The following LEPR variants were observed in gnomAD, a reference collection of about 807,000 sequenced individuals.
LEPR encodes leptin receptor.
Under a neutral mutation model 114.7 loss-of-function variants are expected in LEPR, and 56 were observed. The ratio of observed to expected loss-of-function variants is 0.49; its 90% CI spans 0.39 to 0.61. The LOEUF is 0.61. Among genes scored for constraint, LEPR ranks in the 20% least tolerant of loss-of-function variants. The pLI is 0.00. For synonymous variants in LEPR, 443 were observed against 461.4 expected (o/e 0.96, Z 0.51); for missense variants, 1,202 against 1,352.9 (o/e 0.89, Z 1.75).
rs562492445 is a variant in LEPR, at chr1:65,604,490, G to A, written c.1404-548G>A. ...CTCCCTAGTAGCCAGGACTACAGAT[G>A]TGCATTTGTAGAGACAGGGTTTCCC... On this transcript the variant is annotated intron_variant, in intron 10 of 19. Transcript: ENST00000349533. Among the ~76,000 whole-genome samples, 3 of 152,192 alleles carry A rather than the reference G, an allele frequency of 2.0e-5. No individual in the cohort carries two copies. The South Asian group carries it at 6.2e-4, about 32-fold the overall frequency.
chr1:65,522,131 CACTGTTTTATTTAAA>C (rs1188041565), intron 2 of LEPR, among the ~76,000 whole-genome samples: 2 of 152,108 alleles, frequency 1.3e-5, no homozygotes, highest in Non-Finnish European at 2.9e-5. Flanking sequence ...CAAAGCGAGT[CACTGTTTTATTTAAA>C]ACTACAGTCA....
intron 17 of LEPR, 93 bp from the exon 18 acceptor site, chr1:65,621,260 G>T (rs752623486): frequency 4.8e-6 from 5 of 1,038,318 alleles, no homozygotes; most frequent in Non-Finnish European, 7.3e-6. Flanking sequence ...GATTTGTGAT[G>T]AATTCAGAAA....
intron 2 of LEPR, among the ~76,000 whole-genome samples, chr1:65,461,592 C>T (rs1316182930): frequency 6.6e-6 from 1 of 152,106 alleles, no homozygotes; most frequent in Non-Finnish European, 1.5e-5. Context: ...AATAAATAAA[C>T]AAGTAGTGGA....
intron 6 of LEPR, among the ~76,000 whole-genome samples, chr1:65,593,300 A>T (rs1655834091): frequency 6.6e-6 from 1 of 152,092 alleles, no homozygotes; most frequent in African/African-American, 2.4e-5. Flanking sequence ...GAGAGCAGGG[A>T]CAAACAATAG....
chr1:65,622,133 GAATTTAGTTTTTTAAAAAA>G (rs1557702035), intron 18 of LEPR, among the ~76,000 whole-genome samples: 1 of 152,054 alleles, frequency 6.6e-6, no homozygotes, highest in African/African-American at 2.4e-5. Context: ...CTTCAAGGAA[GAATTTAGTTTTTTAAAAAA>G]AATGTACATA....
chr1:65,533,518 T>G (rs1012542759), intron 2 of LEPR, among the ~76,000 whole-genome samples: 5 of 152,158 alleles, frequency 3.3e-5, no homozygotes, highest in Admixed American at 6.5e-5. Flanking sequence ...TTTCTTTGAT[T>G]TTTTCTGTTC....
intron 2 of LEPR, among the ~76,000 whole-genome samples, chr1:65,515,838 G>A (rs1447276048): frequency 2.0e-5 from 3 of 152,168 alleles, no homozygotes; most frequent in African/African-American, 7.2e-5. Context: ...ACTTTAGTAA[G>A]ATACATTTTG....
chr1:65,557,038 G>A (rs990459435), intron 2 of LEPR, among the ~76,000 whole-genome samples: 1 of 152,230 alleles, frequency 6.6e-6, no homozygotes, highest in East Asian at 1.9e-4. Flanking sequence ...TGATAGTTCC[G>A]GGAAGAAATA....
At chr1:65,621,610 C>T (rs1215360612) in intron 18 of LEPR, 152 bp downstream of exon 18, 3 of 665,200 alleles carry the variant, frequency 4.5e-6, no homozygotes, top group Non-Finnish European at 5.1e-6. Flanking sequence ...AAAGGAAAGG[C>T]CTGTTGTGAG....
At chr1:65,435,523 A>T (rs908494917) in intron 2 of LEPR, 5 of 388,728 alleles carry the variant, frequency 1.3e-5, no homozygotes, top group African/African-American at 1.1e-4. Flanking sequence ...TCCCGCCACC[A>T]CGCCTGGCTA....
At chr1:65,592,900 A>G (rs1655804147) in intron 6 of LEPR, 35 bp downstream of exon 6, 1 of 1,606,034 alleles carries the variant, frequency 6.2e-7, no homozygotes, top group South Asian at 1.1e-5. Flanking sequence ...TAATAGGTCT[A>G]AACATCAGTC....
intron 2 of LEPR, among the ~76,000 whole-genome samples, chr1:65,532,120 G>A (rs747819124): frequency 2.0e-5 from 3 of 152,144 alleles, no homozygotes; most frequent in Non-Finnish European, 4.4e-5. Flanking sequence ...ATTAAGCCTG[G>A]TGTCTGTGAG....
chr1:65,575,634 T>C (rs551386411), intron 5 of LEPR, among the ~76,000 whole-genome samples: 4 of 151,316 alleles, frequency 2.6e-5, no homozygotes, highest in East Asian at 1.9e-4. Context: ...ACTAAACAAA[T>C]GATAAGTTAA....
chr1:65,483,369 G>A (rs1418059876), intron 2 of LEPR, among the ~76,000 whole-genome samples: 5 of 152,040 alleles, frequency 3.3e-5, no homozygotes, highest in Non-Finnish European at 7.4e-5. Flanking sequence ...CTATCAGATT[G>A]GAAAAATACA....
chr1:65,588,532 A>G (rs1655472462), intron 5 of LEPR, among the ~76,000 whole-genome samples: 1 of 152,052 alleles, frequency 6.6e-6, no homozygotes, highest in Admixed American at 6.6e-5. Context: ...CATCAATTAG[A>G]AAATTTCTTC....
chr1:65,618,581 T>C (rs1440435977), intron 16 of LEPR, among the ~76,000 whole-genome samples: 2 of 152,180 alleles, frequency 1.3e-5, no homozygotes, highest in South Asian at 4.1e-4. Flanking sequence ...TCCTCCTGCC[T>C]TGGCCTCCCA....
At chr1:65,449,926 T>A (rs1383991965) in intron 2 of LEPR, among the ~76,000 whole-genome samples, 1 of 152,164 alleles carries the variant, frequency 6.6e-6, no homozygotes, top group Non-Finnish European at 1.5e-5. Flanking sequence ...GTTTTTACTG[T>A]ATCCCACAAA....
At position 65,570,755 on chromosome 1, in the gene LEPR, G is replaced by A. The variant is rs750553454; in HGVS notation, c.323G>A (p.Gly108Glu). Residue 108 changes from glycine to glutamate, a missense_variant, in exon 4 of 20, where the codon GGA becomes GAA. Transcript: ENST00000349533. ...NCSLCADNIE[G>E]KTFVSTVNSL... ...TCCTTATGTGCAGACAACATTGAAG[G>A]AAAGACATTTGTTTCAACAGTAAAT... 1 of 1,583,040 alleles carries A rather than the reference G, an allele frequency of 6.3e-7. No homozygotes were observed. The highest frequency in any genetic ancestry group is 2.3e-5 in the East Asian group (1 of 44,380).
intron 5 of LEPR, among the ~76,000 whole-genome samples, chr1:65,587,090 C>G (rs913684463): frequency 3.9e-5 from 6 of 151,970 alleles, no homozygotes; most frequent in African/African-American, 1.4e-4. Context: ...TGATGTGATT[C>G]TAACTTTTCT....
Sources: gnomAD v4.1 joint callset for allele counts (sites outside exome capture counted in the v4.1 genomes callset) on GRCh38, gnomAD v4.1.1 for gene constraint, MANE v1.5 for transcripts, NCBI Gene and HGNC (gene_info 2026-07-23, HGNC 2026-07-21) for gene names.